Variants in ATRNL1 observed in about 807,000 individuals in gnomAD.
ATRNL1 encodes the protein attractin-like protein 1.
Under a neutral mutation model 182.7 loss-of-function variants are expected in ATRNL1, and 95 were observed. The observed-to-expected ratio is 0.52, with a 90% CI of 0.44 to 0.62. The LOEUF is 0.62. Ranked by LOEUF, ATRNL1 falls within the 20% of genes least tolerant of loss-of-function variation. ATRNL1 has a pLI of 0.00. For synonymous variants in ATRNL1, 576 were observed against 568.3 expected (o/e 1.01, Z -0.19); for missense variants, 1,471 against 1,679.5 (o/e 0.88, Z 2.17).
At chr10:115,268,841 T>C (rs1851718232) in intron 13 of ATRNL1, among the ~76,000 whole-genome samples, 1 of 152,238 alleles carries the variant, frequency 6.6e-6, no homozygotes, top group Admixed American at 6.5e-5. Flanking sequence ...AGTGCTTTGT[T>C]TTCACACTTT....
chr10:115,537,700 A>ATTGT (rs6144100), intron 25 of ATRNL1, among the ~76,000 whole-genome samples: 3 of 151,352 alleles, frequency 2.0e-5, no homozygotes, highest in African/African-American at 7.3e-5. Context: ...TTTGGTCCTT[A>ATTGT]TTGTTTGTTT....
intron 28 of ATRNL1, among the ~76,000 whole-genome samples, chr10:115,855,677 C>T (rs1287879332): frequency 6.6e-6 from 1 of 152,186 alleles, no homozygotes; most frequent in Non-Finnish European, 1.5e-5. Context: ...CCCATAACCT[C>T]GATAGACTGG....
At chr10:115,124,937 C>G (rs1844899622) in intron 3 of ATRNL1, among the ~76,000 whole-genome samples, 1 of 152,096 alleles carries the variant, frequency 6.6e-6, no homozygotes. Context: ...TGAAGGAGTT[C>G]TATATAATTT....
rs938497401 is a variant in ATRNL1 at position 115,452,039 on chromosome 10, C to A, written c.3323-9902C>A. 2.0e-5 allele frequency among the ~76,000 whole-genome samples: 3 copies of A among 152,048 alleles called. 1 individual carries two copies. The highest frequency in any genetic ancestry group is 4.4e-5 in the Non-Finnish European group (3 of 67,988). On this transcript the variant is annotated intron_variant, in intron 21 of 28. Coordinates refer to ENST00000355044, the MANE Select transcript of ATRNL1 (RefSeq NM_207303.4). ...ACCAAATACTGCATGTTCTCACTTA[C>A]AAGTGGTAGCTAAATGATGAGAACT...
At chr10:115,600,300 A>G (rs1219137891) in intron 26 of ATRNL1, among the ~76,000 whole-genome samples, 8 of 152,184 alleles carry the variant, frequency 5.3e-5, no homozygotes, top group Non-Finnish European at 5.9e-5. Flanking sequence ...TACTGTAAAT[A>G]TGTTTGATTT....
At chr10:115,406,658 G>C (rs989651755) in intron 20 of ATRNL1, among the ~76,000 whole-genome samples, 20 of 152,096 alleles carry the variant, frequency 1.3e-4, no homozygotes, top group African/African-American at 4.6e-4. Context: ...TTAATCACCG[G>C]TGGAATTTTC....
chr10:115,581,328 G>A (rs1487256468), intron 26 of ATRNL1, among the ~76,000 whole-genome samples: 1 of 152,038 alleles, frequency 6.6e-6, no homozygotes, highest in Non-Finnish European at 1.5e-5. Context: ...CCCTTGAGAT[G>A]CATCTGGAAA....
intron 19 of ATRNL1, among the ~76,000 whole-genome samples, chr10:115,378,901 A>G (rs1387918071): frequency 6.6e-6 from 1 of 152,228 alleles, no homozygotes; most frequent in African/African-American, 2.4e-5. Flanking sequence ...AGGGGTTGTT[A>G]CAAGTATATG....
At position 115,822,616 on chromosome 10, in the gene ATRNL1, A is replaced by G. The variant is rs540528357; in HGVS notation, c.3904-25261A>G. Among the ~76,000 whole-genome samples, 3 of 152,318 alleles carry G rather than the reference A, an allele frequency of 2.0e-5. No individual in the cohort carries two copies. The South Asian group carries it at 6.2e-4, about 32-fold the overall frequency. ...AAGGAAATATCACCACTGATCGCAC[A>G]GAAATACAAACTACCATCAGAGAAT... is the stretch of plus-strand genomic sequence containing the variant. On this transcript the variant is annotated intron_variant, in intron 27 of 28. Coordinates refer to ENST00000355044, the MANE Select transcript of ATRNL1 (RefSeq NM_207303.4).
At chr10:115,442,868 A>T (rs1846764716) in intron 21 of ATRNL1, among the ~76,000 whole-genome samples, 1 of 152,080 alleles carries the variant, frequency 6.6e-6, no homozygotes, top group African/African-American at 2.4e-5. Context: ...TATTAATTTA[A>T]AAGATTAATC....
intron 24 of ATRNL1, among the ~76,000 whole-genome samples, chr10:115,494,078 A>G (rs889667085): frequency 6.6e-6 from 1 of 152,248 alleles, no homozygotes; most frequent in East Asian, 1.9e-4. Context: ...GCTGCTTAAT[A>G]TGCTGATAGT....
At chr10:115,613,492 T>C (rs1389928443) in intron 26 of ATRNL1, among the ~76,000 whole-genome samples, 1 of 152,214 alleles carries the variant, frequency 6.6e-6, no homozygotes, top group East Asian at 1.9e-4. Context: ...TTTTCTTATT[T>C]TGTTGTATTC....
intron 3 of ATRNL1, among the ~76,000 whole-genome samples, chr10:115,122,219 G>A (rs1481884610): frequency 2.6e-5 from 4 of 151,550 alleles, no homozygotes; most frequent in Non-Finnish European, 1.5e-5. Context: ...TGCATAAAAG[G>A]GTTAAGTTAT....
intron 18 of ATRNL1, among the ~76,000 whole-genome samples, chr10:115,322,545 A>C (rs1464648649): frequency 2.0e-5 from 3 of 152,082 alleles, no homozygotes; most frequent in Non-Finnish European, 4.4e-5. Context: ...AAAAAGGAAA[A>C]TAAATATGCA....
intron 26 of ATRNL1, 27 bp downstream of exon 26, chr10:115,549,563 G>C: frequency 6.7e-7 from 1 of 1,494,662 alleles, no homozygotes; most frequent in Non-Finnish European, 9.1e-7. Flanking sequence ...TTAATCTTTT[G>C]TTTAAAGATT....
chr10:115,138,900 T>C (rs1320954481), intron 5 of ATRNL1, among the ~76,000 whole-genome samples: 1 of 152,232 alleles, frequency 6.6e-6, no homozygotes, highest in African/African-American at 2.4e-5. Flanking sequence ...ATGCTGTGTG[T>C]CCCTTTTAAA....
chr10:115,532,891 G>A (rs1207493236), intron 25 of ATRNL1, among the ~76,000 whole-genome samples: 5 of 151,820 alleles, frequency 3.3e-5, no homozygotes, highest in East Asian at 1.9e-4. Flanking sequence ...TTTGTCTTTG[G>A]TTCTGTTTAT....
intron 24 of ATRNL1, among the ~76,000 whole-genome samples, chr10:115,504,914 A>T (rs1379462669): frequency 1.3e-5 from 2 of 152,058 alleles, no homozygotes; most frequent in Admixed American, 6.6e-5. Context: ...AGATTTATAG[A>T]TTTATAAAGA....
At chr10:115,835,634 C>A (rs1950651885) in intron 27 of ATRNL1, among the ~76,000 whole-genome samples, 2 of 152,200 alleles carry the variant, frequency 1.3e-5, no homozygotes, top group Admixed American at 6.5e-5. Context: ...TTGGCCCAGT[C>A]ACTCTTAGCT....
Sources: allele counts gnomAD v4.1 joint callset (sites outside exome capture counted in the v4.1 genomes callset), GRCh38; gene constraint gnomAD v4.1.1; transcripts MANE v1.5; gene names NCBI Gene and HGNC (gene_info 2026-07-23, HGNC 2026-07-21).